Variants in MS4A4E observed in about 807,000 individuals in gnomAD.
MS4A4E encodes the protein membrane spanning 4-domains A4E.
In MS4A4E, 23 loss-of-function variants were observed where a neutral mutation model predicts 13.3. The observed-to-expected ratio is 1.73, with a 90% CI of 1.25 to 2.45. The LOEUF (loss-of-function observed/expected upper bound fraction) is 2.45, where lower values mean the gene tolerates loss of function less well. MS4A4E is among the 30% of genes most tolerant of loss of function. The probability of loss-of-function intolerance (pLI) is 0.00; values close to 1 mark genes in which losing one functional copy is unlikely to be tolerated. For synonymous variants in MS4A4E, 36 were observed against 45.6 expected (o/e 0.79, Z 0.85); for missense variants, 144 against 131.2 (o/e 1.10, Z -0.48).
At chr11:60,224,108 G>A (rs79459811) in intron 3 of MS4A4E, among the ~76,000 whole-genome samples, 9 of 152,078 alleles carry the variant, frequency 5.9e-5, no homozygotes, top group African/African-American at 1.7e-4. Flanking sequence ...ACATAAACCC[G>A]CCTCATAAAT....
intron 5 of MS4A4E, among the ~76,000 whole-genome samples, chr11:60,209,844 C>T (rs1351148019): frequency 6.6e-6 from 1 of 152,210 alleles, no homozygotes; most frequent in Non-Finnish European, 1.5e-5. Flanking sequence ...ACCAAGAGCT[C>T]AGGATATGAG....
chr11:60,225,471 G>A (rs1373436923), intron 3 of MS4A4E, among the ~76,000 whole-genome samples: 1 of 152,144 alleles, frequency 6.6e-6, no homozygotes, highest in Non-Finnish European at 1.5e-5. Flanking sequence ...GAAGAAAAAG[G>A]AGTGTATACA....
chr11:60,211,559 A>C (rs1053709708), intron 5 of MS4A4E, among the ~76,000 whole-genome samples: 2 of 152,186 alleles, frequency 1.3e-5, no homozygotes, highest in Non-Finnish European at 2.9e-5. Context: ...CTGAAAGTTC[A>C]TAGAGAGGAA....
intron 1 of MS4A4E, among the ~76,000 whole-genome samples, chr11:60,241,225 C>T (rs996923443): frequency 2.0e-5 from 3 of 152,122 alleles, no homozygotes; most frequent in South Asian, 2.1e-4. Context: ...GGGATTTCAC[C>T]GTGTTAGCCA....
chr11:60,219,233 T>C (rs2084234980), intron 3 of MS4A4E, among the ~76,000 whole-genome samples: 1 of 152,210 alleles, frequency 6.6e-6, no homozygotes, highest in South Asian at 2.1e-4. Flanking sequence ...CCTTTCTCTG[T>C]ATGCCAGATC....
rs879436303 is a variant in MS4A4E, at chr11:60,215,511, C to T, written c.179-897G>A. On this transcript the variant is annotated intron_variant, in intron 3 of 8. Transcript: ENST00000651255. ...ATAGGATAGGACATTTAATACAATC[C>T]AACATTATTAGTGACTTAAACATTA... Among the ~76,000 whole-genome samples the T allele has an allele frequency of 5.9e-5, 9 of 151,262 alleles. No homozygotes were observed. In the South Asian group the frequency reaches 1.0e-3, roughly 18 times the overall value.
chr11:60,214,548 A>C, intron 4 of MS4A4E, 23 bp downstream of exon 4: 1 of 1,479,178 alleles, frequency 6.8e-7, no homozygotes, highest in Non-Finnish European at 9.0e-7. Context: ...TCCTTTTGAT[A>C]CCCCCCACAA....
intron 3 of MS4A4E, among the ~76,000 whole-genome samples, chr11:60,216,057 C>T (rs984215671): frequency 6.6e-6 from 1 of 152,072 alleles, no homozygotes; most frequent in Non-Finnish European, 1.5e-5. Context: ...TTACAGCTGG[C>T]TCTTGGTACT....
intron 3 of MS4A4E, 36 bp downstream of exon 3, chr11:60,228,558 C>A: frequency 1.5e-6 from 1 of 646,696 alleles, no homozygotes; most frequent in Non-Finnish European, 2.8e-6. Context: ...CAAAACTAAA[C>A]ATACTCTTAC....
rs1178909024 is a variant in MS4A4E at position 60,214,611 on chromosome 11, G to A, written c.182C>T (p.Ser61Phe). The A allele has an allele frequency of 6.6e-6, 10 of 1,522,060 alleles. No homozygotes were observed. The highest frequency in any genetic ancestry group is 8.8e-6 in the Non-Finnish European group (10 of 1,139,256). The allele number at this position is 1,522,060 out of a possible 1,614,324, so 94.3% of individuals were successfully genotyped here. Residue 61 changes from serine (S) to phenylalanine (F), a missense_variant, in exon 4 of 9, where the codon TCC becomes TTC. Around this residue, in one of 3 missense-constraint regions of MS4A4E, gnomAD observed 119 missense variants for 88.7 expected, o/e 1.34. Coordinates refer to ENST00000651255, the MANE Select transcript of MS4A4E (RefSeq NM_001393391.1). ...TCTAATTCCTGCTGCAACTGATAAGGATACTGAAATAATAAAATAAGAATG... is the reference window on the plus strand; with the variant it reads ...TCTAATTCCTGCTGCAACTGATAAGAATACTGAAATAATAAAATAAGAATG... The part of the protein sequence containing the change: ...CGHKFSTHSV[S>F]LSVAAGIRTT...
intron 3 of MS4A4E, among the ~76,000 whole-genome samples, chr11:60,227,272 C>T (rs1006988754): frequency 1.3e-5 from 2 of 152,138 alleles, no homozygotes; most frequent in Non-Finnish European, 2.9e-5. Flanking sequence ...TAGCAAATGG[C>T]CGGGCGTGGT....
rs1347492770 is a variant in MS4A4E at position 60,200,996 on chromosome 11, G to A, written c.*547C>T. ...GAACCCCCCACCTCCCTCCCGGACG[G>A]GGCGGCTGGCCGGGCAGAGGGCTGA... On this transcript the variant is annotated 3_prime_UTR_variant, in exon 9 of 9. Coordinates refer to ENST00000651255, the MANE Select transcript of MS4A4E (RefSeq NM_001393391.1). Among the ~76,000 whole-genome samples, 2 of 149,164 alleles carry A rather than the reference G, an allele frequency of 1.3e-5. No homozygotes were observed. The highest frequency in any genetic ancestry group is 5.0e-5 in the African/African-American group (2 of 39,686).
In MS4A4E at chr11:60,236,355, A is replaced by G. The variant is rs535678237; in HGVS notation, c.-16-6284T>C. On this transcript the variant is annotated intron_variant, in intron 1 of 8. Coordinates refer to ENST00000651255, the MANE Select transcript of MS4A4E (RefSeq NM_001393391.1). ...TGAAATAAGGTTGCTTGAATTTTTT[A>G]TAAAGATTGTGTTGAATCTGTAGGT... Among the ~76,000 whole-genome samples, 541 of 152,310 alleles carry G rather than the reference A, an allele frequency of 3.6e-3. 2 individuals are homozygous for G. Among genetic ancestry groups the G allele is most frequent in the Middle Eastern group, 0.024 (7 of 294 alleles).
At chr11:60,202,045 T>C (rs932688657) in intron 8 of MS4A4E, among the ~76,000 whole-genome samples, 166 bp from the exon 9 acceptor site, 15 of 152,352 alleles carry the variant, frequency 9.8e-5, no homozygotes, top group Admixed American at 2.6e-4. Context: ...GGTTAACCAC[T>C]GTCACTAATT....
chr11:60,240,594 G>A (rs182596177), intron 1 of MS4A4E, among the ~76,000 whole-genome samples: 129 of 152,178 alleles, frequency 8.5e-4, no homozygotes, highest in Non-Finnish European at 1.5e-3. Flanking sequence ...ATCTATTATC[G>A]TAGCCTTACC....
chr11:60,200,919 G>T lies in MS4A4E; in HGVS notation c.*624C>A, dbSNP rs1156972982. On this transcript the variant is annotated 3_prime_UTR_variant, in exon 9 of 9. Transcript: ENST00000651255. ...GACGGGGCGGCTGGCCGGGCGGGGGGCTGACCCCTCCACCTCCCTCCCGGA... is the reference window on the plus strand; with the variant it reads ...GACGGGGCGGCTGGCCGGGCGGGGGTCTGACCCCTCCACCTCCCTCCCGGA... 7.7e-4 allele frequency among the ~76,000 whole-genome samples: 115 copies of T among 148,696 alleles called. No individual in the cohort carries two copies. Among genetic ancestry groups the T allele is most frequent in the African/African-American group, 2.7e-3 (110 of 40,018 alleles).
intron 3 of MS4A4E, among the ~76,000 whole-genome samples, chr11:60,227,731 A>C (rs2084362082): frequency 6.6e-6 from 1 of 152,142 alleles, no homozygotes; most frequent in African/African-American, 2.4e-5. Flanking sequence ...GGACTGTGTG[A>C]TATTGGCAAA....
intron 5 of MS4A4E, among the ~76,000 whole-genome samples, chr11:60,210,614 A>T (rs1476117432): frequency 6.6e-6 from 1 of 152,198 alleles, no homozygotes; most frequent in African/African-American, 2.4e-5. Flanking sequence ...TAATAATTAT[A>T]TGCTTTCCAG....
rs1409258498 is a variant in MS4A4E, at chr11:60,208,565, A to G, written c.483+28T>C. 8.4e-6 allele frequency: 7 copies of G among 837,878 alleles called. No homozygotes were observed. In the Admixed American group the frequency reaches 1.1e-4, roughly 13 times the overall value. The allele number at this position is 837,878 out of a possible 1,614,324, so 51.9% of individuals were successfully genotyped here. ...ATACAGCAATACAAAAGTAATACAGATACCTTCAAATGAAGGCCAATACTG... is the reference window on the plus strand; with the variant it reads ...ATACAGCAATACAAAAGTAATACAGGTACCTTCAAATGAAGGCCAATACTG... On this transcript the variant is annotated intron_variant, in intron 6 of 8. Coordinates refer to ENST00000651255, the MANE Select transcript of MS4A4E (RefSeq NM_001393391.1).
Sources: gnomAD v4.1 joint callset for allele counts (sites outside exome capture counted in the v4.1 genomes callset) on GRCh38, gnomAD v4.1.1 for gene constraint, gnomAD v4.1.1 regional missense constraint, MANE v1.5 for transcripts, NCBI Gene and HGNC (gene_info 2026-07-23, HGNC 2026-07-21) for gene names.